IQSEC1: variants seen among roughly 807,000 people sequenced by gnomAD.
The protein encoded by IQSEC1 is IQ motif and SEC7 domain-containing protein 1.
IQSEC1 carries 31 observed loss-of-function variants against 91.0 expected under a neutral mutation model. The observed-to-expected ratio is 0.34, with a 90% CI of 0.26 to 0.46. IQSEC1 has a LOEUF of 0.46. IQSEC1 is among the 20% of genes least tolerant of loss of function. The pLI is 1.00. For synonymous variants in IQSEC1, 699 were observed against 662.6 expected (o/e 1.05, Z -0.84); for missense variants, 1,388 against 1,575.6 (o/e 0.88, Z 2.02).
Position 13,148,238 on chromosome 3 carries a change from A to T in IQSEC1, c.302+15866T>A, listed in dbSNP as rs200816150. ...CAGGACCCTCCTCCCCACCCAGGAG[A>T]GCACCATAGAGACACTCATCATCGC... On this transcript the variant is annotated intron_variant, in intron 2 of 15. Transcript: ENST00000648114. 2.6e-5 allele frequency among the ~76,000 whole-genome samples: 4 copies of T among 152,096 alleles called. No individual in the cohort carries two copies. In the East Asian group the frequency reaches 5.8e-4, roughly 22 times the overall value.
chr3:13,064,920 C>T (rs1489790104), intron 1 of IQSEC1, among the ~76,000 whole-genome samples: 1 of 152,214 alleles, frequency 6.6e-6, no homozygotes, highest in African/African-American at 2.4e-5. Context: ...ATAACTGTGC[C>T]CAGGACTGAC....
chr3:13,204,519 C>A (rs937897529), intron 1 of IQSEC1, among the ~76,000 whole-genome samples: 1 of 152,246 alleles, frequency 6.6e-6, no homozygotes, highest in African/African-American at 2.4e-5. Context: ...GGCCGCCCAC[C>A]GCTAGCGAGA....
intron 1 of IQSEC1, among the ~76,000 whole-genome samples, chr3:12,995,987 C>T (rs1175768069): frequency 1.3e-5 from 2 of 152,180 alleles, no homozygotes; most frequent in Non-Finnish European, 2.9e-5. Context: ...TGAGGCCAGC[C>T]TGGGCAACAC....
At chr3:12,955,333 C>G (rs112796310) in intron 1 of IQSEC1, among the ~76,000 whole-genome samples, 60 of 152,340 alleles carry the variant, frequency 3.9e-4, no homozygotes, top group African/African-American at 1.4e-3. Flanking sequence ...GGAGGCCTGC[C>G]GGGCTGGGCC....
At chr3:13,236,901 C>A (rs369378488) in intron 1 of IQSEC1, among the ~76,000 whole-genome samples, 57 of 152,314 alleles carry the variant, frequency 3.7e-4, no homozygotes, top group Admixed American at 4.6e-4. Flanking sequence ...AACAAAATGC[C>A]CCCCTCCAGC....
At chr3:12,955,677 A>T (rs1392067649) in intron 1 of IQSEC1, among the ~76,000 whole-genome samples, 1 of 152,246 alleles carries the variant, frequency 6.6e-6, no homozygotes, top group Non-Finnish European at 1.5e-5. Context: ...ACCCCAGGAC[A>T]GGCAGCCTTT....
chr3:13,255,369 G>A (rs549475256), intron 1 of IQSEC1, among the ~76,000 whole-genome samples: 1 of 152,196 alleles, frequency 6.6e-6, no homozygotes, highest in Non-Finnish European at 1.5e-5. Context: ...GGGGCAACAG[G>A]TGTATTGCTA....
At chr3:12,917,466 C>A (rs559317302) in intron 6 of IQSEC1, among the ~76,000 whole-genome samples, 46 of 152,346 alleles carry the variant, frequency 3.0e-4, no homozygotes, top group Non-Finnish European at 5.9e-4. Context: ...TTGCCTTTTC[C>A]AGAATGTCAT....
chr3:12,981,297 T>C (rs1055257822), intron 1 of IQSEC1, among the ~76,000 whole-genome samples: 1 of 152,204 alleles, frequency 6.6e-6, no homozygotes, highest in Non-Finnish European at 1.5e-5. Context: ...TAGGGCTAAG[T>C]CATTGATAAA....
At chr3:13,001,429 G>T (rs1167526972) in intron 1 of IQSEC1, among the ~76,000 whole-genome samples, 3 of 152,154 alleles carry the variant, frequency 2.0e-5, no homozygotes, top group Non-Finnish European at 4.4e-5. Context: ...GGGCCTCTAA[G>T]AATACAGTTC....
chr3:13,009,667 ATGTGTG>A (rs3072722), intron 1 of IQSEC1, among the ~76,000 whole-genome samples: 4 of 150,070 alleles, frequency 2.7e-5, no homozygotes, highest in African/African-American at 4.9e-5. Context: ...GTATATATAT[ATGTGTG>A]TGTGTGTGTG....
intron 2 of IQSEC1, among the ~76,000 whole-genome samples, chr3:13,150,792 C>T (rs917832853): frequency 1.3e-5 from 2 of 152,180 alleles, no homozygotes; most frequent in African/African-American, 2.4e-5. Flanking sequence ...CAGGCAAGTA[C>T]GTGGGAAAGT....
chr3:13,229,769 T>C (rs2125087235), intron 1 of IQSEC1, among the ~76,000 whole-genome samples: 1 of 152,324 alleles, frequency 6.6e-6, no homozygotes, highest in South Asian at 2.1e-4. Context: ...GGAGCTAAGC[T>C]CCTCTTCTGC....
At chr3:12,955,036 T>G (rs915011393) in intron 1 of IQSEC1, among the ~76,000 whole-genome samples, 1 of 152,226 alleles carries the variant, frequency 6.6e-6, no homozygotes, top group African/African-American at 2.4e-5. Flanking sequence ...AACAGTCACA[T>G]AGCTGATGCG....
chr3:13,196,740 ATGTGTGTGCGTGTGTGTG>A (rs1465020524), intron 1 of IQSEC1, among the ~76,000 whole-genome samples: 1 of 130,396 alleles, frequency 7.7e-6, no homozygotes, highest in Non-Finnish European at 1.6e-5. Flanking sequence ...GTGTATGTAC[ATGTGTGTGCGTGTGTGTG>A]TGTGTGTGTG....
In IQSEC1 at chr3:13,185,178, C is replaced by T. The variant is rs1036331130; in HGVS notation, c.273-21045G>A. ...CAAATCCTGGTCCTGCTGTGACCTG[C>T]GGCCTGACCTTACGCAAGTGGCTTG... is the stretch of plus-strand genomic sequence containing the variant. On this transcript the variant is annotated intron_variant, in intron 1 of 15. Coordinates refer to the IQSEC1 transcript ENST00000648114. 5.3e-5 allele frequency among the ~76,000 whole-genome samples: 8 copies of T among 152,268 alleles called. No homozygotes were observed. In the South Asian group the frequency reaches 8.3e-4, roughly 16 times the overall value.
At chr3:13,142,010 T>C (rs892061132) in intron 2 of IQSEC1, among the ~76,000 whole-genome samples, 4 of 152,090 alleles carry the variant, frequency 2.6e-5, no homozygotes, top group Non-Finnish European at 4.4e-5. Flanking sequence ...CATGTAGCCA[T>C]AGAAGGGCCC....
intron 1 of IQSEC1, chr3:12,995,059 G>T (rs999236070): frequency 1.3e-5 from 2 of 152,274 alleles, no homozygotes; most frequent in African/African-American, 2.4e-5. Context: ...GCCGGGAGCG[G>T]CGGCCTCTCT....
intron 1 of IQSEC1, among the ~76,000 whole-genome samples, chr3:13,216,424 G>A (rs887313615): frequency 2.0e-5 from 3 of 152,146 alleles, no homozygotes; most frequent in East Asian, 1.9e-4. Context: ...ATGAAGGGAC[G>A]GCTTACAGAG....
Sources: gnomAD v4.1 joint callset for allele counts (sites outside exome capture counted in the v4.1 genomes callset) on GRCh38, gnomAD v4.1.1 for gene constraint, MANE v1.5 for transcripts, NCBI Gene and HGNC (gene_info 2026-07-23, HGNC 2026-07-21) for gene names.